GALNT17: variants seen among roughly 807,000 people sequenced by gnomAD.
GALNT17 encodes the protein UDP-GalNAc:polypeptide N-acetylgalactosaminyltransferase-like 3.
GALNT17 carries 29 observed loss-of-function variants against 63.7 expected under a neutral mutation model. The ratio of observed to expected loss-of-function variants is 0.46; its 90% CI spans 0.34 to 0.62. GALNT17 has a LOEUF of 0.62. Among genes scored for constraint, GALNT17 ranks in the 20% least tolerant of loss-of-function variants. The pLI is 0.01. For missense variants in GALNT17, 603 were observed against 799.6 expected (o/e 0.75, Z 2.97); for synonymous variants, 305 against 318.3 (o/e 0.96, Z 0.45).
chr7:71,132,413 C>T lies in GALNT17; in HGVS notation c.-390C>T. The T allele has an allele frequency of 6.3e-6, 1 of 159,178 alleles. No homozygotes were observed. The allele number at this position is 159,178 out of a possible 1,614,324, so 9.9% of individuals were successfully genotyped here. A position where few individuals can be genotyped will look rare whatever the true frequency, so the allele number is the denominator to read the frequency against. ...TGTGCGCCGCTCCCTCTGTGCCTCC[C>T]GGGCAGCCCCGCCTGCCGGCCTCGG... On this transcript the variant is annotated 5_prime_UTR_variant, in exon 1 of 11. Transcript: ENST00000333538.
chr7:71,374,788 G>C (rs949228549), intron 2 of GALNT17, among the ~76,000 whole-genome samples: 1 of 151,766 alleles, frequency 6.6e-6, no homozygotes, highest in Non-Finnish European at 1.5e-5. Flanking sequence ...AGGGGCTGGG[G>C]TATAGGATCT....
intron 1 of GALNT17, among the ~76,000 whole-genome samples, chr7:71,237,021 G>A (rs1640071269): frequency 6.6e-6 from 1 of 152,134 alleles, no homozygotes; most frequent in Admixed American, 6.5e-5. Flanking sequence ...AACACCCAGG[G>A]AATCTCGTGG....
chr7:71,218,454 TCTG>T (rs1169152724), intron 1 of GALNT17, among the ~76,000 whole-genome samples: 2 of 152,272 alleles, frequency 1.3e-5, no homozygotes, highest in East Asian at 3.9e-4. Flanking sequence ...TTGCTTCCAC[TCTG>T]CTATGTTTCG....
At chr7:71,454,075 G>T (rs936302009) in intron 5 of GALNT17, among the ~76,000 whole-genome samples, 1 of 152,108 alleles carries the variant, frequency 6.6e-6, no homozygotes, top group African/African-American at 2.4e-5. Context: ...AAGAATGATC[G>T]GGTTCATACA....
In GALNT17 at chr7:71,555,475, C is replaced by T. The variant is rs143969231; in HGVS notation, c.963-15810C>T. Among the ~76,000 whole-genome samples, 6 of 147,002 alleles carry T rather than the reference C, an allele frequency of 4.1e-5. No homozygotes were observed. The East Asian group carries it at 6.3e-4, about 15-fold the overall frequency. ...ACTGAACTCATTACCATGGGGAGAACGCCAAACCATTCATGAGGGGTCTGC... is the reference window on the plus strand; with the variant it reads ...ACTGAACTCATTACCATGGGGAGAATGCCAAACCATTCATGAGGGGTCTGC... On this transcript the variant is annotated intron_variant, in intron 5 of 10. Transcript: ENST00000333538.
At chr7:71,702,290 T>C (rs943410152) in intron 9 of GALNT17, among the ~76,000 whole-genome samples, 194 of 151,970 alleles carry the variant, frequency 1.3e-3, no homozygotes, top group African/African-American at 4.3e-3. Context: ...CTTTTAAAAA[T>C]AGAAAAACAG....
chr7:71,145,547 A>T (rs1788001092), intron 1 of GALNT17, among the ~76,000 whole-genome samples: 1 of 152,128 alleles, frequency 6.6e-6, no homozygotes, highest in African/African-American at 2.4e-5. Flanking sequence ...GGTCTACATG[A>T]TTCTAGGACA....
At chr7:71,579,163 G>A (rs1789587173) in intron 6 of GALNT17, among the ~76,000 whole-genome samples, 1 of 152,222 alleles carries the variant, frequency 6.6e-6, no homozygotes, top group South Asian at 2.1e-4. Flanking sequence ...CCTTTGTAGG[G>A]CAGAGCCCAA....
intron 1 of GALNT17, among the ~76,000 whole-genome samples, chr7:71,315,735 G>C (rs73358107): frequency 0.074 from 11,300 of 152,190 alleles, 1,005 homozygotes; most frequent in African/African-American, 0.21. Context: ...AGTTGGTGGG[G>C]AAAATGTTGA....
chr7:71,153,791 C>T (rs2116224008), intron 1 of GALNT17, among the ~76,000 whole-genome samples: 1 of 152,176 alleles, frequency 6.6e-6, no homozygotes, highest in South Asian at 2.1e-4. Flanking sequence ...GTGGCGGGCG[C>T]CTGTAGTCCC....
At chr7:71,259,357 A>T (rs1248161987) in intron 1 of GALNT17, among the ~76,000 whole-genome samples, 2 of 152,198 alleles carry the variant, frequency 1.3e-5, no homozygotes, top group African/African-American at 4.8e-5. Context: ...AATCAATTAT[A>T]TTCTACTTGA....
chr7:71,677,740 C>G (rs1791175263), intron 9 of GALNT17, among the ~76,000 whole-genome samples: 1 of 152,064 alleles, frequency 6.6e-6, no homozygotes, highest in Non-Finnish European at 1.5e-5. Flanking sequence ...TGGTCTTCAT[C>G]TCCTGACCTT....
At chr7:71,282,877 G>C (rs1458437556) in intron 1 of GALNT17, among the ~76,000 whole-genome samples, 2 of 152,080 alleles carry the variant, frequency 1.3e-5, no homozygotes, top group African/African-American at 4.8e-5. Context: ...AATTCGCTAG[G>C]AGGGAAGGAG....
At chr7:71,512,924 T>C (rs1419590525) in intron 5 of GALNT17, among the ~76,000 whole-genome samples, 1 of 152,248 alleles carries the variant, frequency 6.6e-6, no homozygotes, top group East Asian at 1.9e-4. Context: ...CCTGGCCTCC[T>C]CTTTTTTGAG....
chr7:71,156,850 G>A (rs935449450), intron 1 of GALNT17, among the ~76,000 whole-genome samples: 3 of 151,634 alleles, frequency 2.0e-5, no homozygotes, highest in African/African-American at 7.3e-5. Flanking sequence ...CTCCCAAAGC[G>A]CTGGGATTAC....
At chr7:71,573,042 C>T (rs1789476262) in intron 6 of GALNT17, among the ~76,000 whole-genome samples, 1 of 151,678 alleles carries the variant, frequency 6.6e-6, no homozygotes, top group Non-Finnish European at 1.5e-5. Flanking sequence ...TGAAGTCTTG[C>T]TTTGTTGCCC....
At chr7:71,617,615 CTTTTGTTT>C (rs1236419045) in intron 6 of GALNT17, among the ~76,000 whole-genome samples, 1 of 106,570 alleles carries the variant, frequency 9.4e-6, no homozygotes, top group Non-Finnish European at 2.0e-5. Flanking sequence ...CAACTGGCTG[CTTTTGTTT>C]GTTTGTTTGT....
In GALNT17 at chr7:71,693,180, A is replaced by G. The variant is rs536262878; in HGVS notation, c.1500+15874A>G. Among the ~76,000 whole-genome samples, 6 of 148,484 alleles carry G rather than the reference A, an allele frequency of 4.0e-5. No individual in the cohort carries two copies. The South Asian group carries it at 1.3e-3, about 33-fold the overall frequency. On this transcript the variant is annotated intron_variant, in intron 9 of 10. Coordinates refer to ENST00000333538, the MANE Select transcript of GALNT17 (RefSeq NM_022479.3). ...ATATTTAAGTATATACTATAATATA[A>G]ATAGTGTGTGTGTATATAGTGTGTG...
intron 6 of GALNT17, among the ~76,000 whole-genome samples, chr7:71,662,440 A>G (rs775771153): frequency 1.6e-4 from 25 of 152,176 alleles, no homozygotes; most frequent in Middle Eastern, 6.8e-3. Flanking sequence ...GTGCCACTCA[A>G]TGGTTTTTTC....
Sources: allele counts gnomAD v4.1 joint callset (sites outside exome capture counted in the v4.1 genomes callset), GRCh38; gene constraint gnomAD v4.1.1; transcripts MANE v1.5; gene names NCBI Gene and HGNC (gene_info 2026-07-23, HGNC 2026-07-21).